Variants in GASK1A observed in about 807,000 individuals in gnomAD.
GASK1A encodes the protein Golgi-associated kinase 1A.
GASK1A carries 40 observed loss-of-function variants against 41.2 expected under a neutral mutation model. The ratio of observed to expected loss-of-function variants is 0.97; its 90% CI spans 0.75 to 1.27. The LOEUF (loss-of-function observed/expected upper bound fraction) is 1.27, where lower values mean the gene tolerates loss of function less well. Among genes scored for constraint, GASK1A ranks in the 50% most tolerant of loss-of-function variants. The pLI, the probability that GASK1A is intolerant of heterozygous loss-of-function variation, is 0.00. For missense variants in GASK1A, 678 were observed against 745.1 expected (o/e 0.91, Z 1.05); for synonymous variants, 316 against 307.1 (o/e 1.03, Z -0.30).
At chr3:43,025,619 G>T (rs763914571) in intron 1 of GASK1A, among the ~76,000 whole-genome samples, 7 of 152,310 alleles carry the variant, frequency 4.6e-5, no homozygotes, top group Middle Eastern at 3.4e-3. Flanking sequence ...GGCTGCACTC[G>T]ATTCACACAA....
At chr3:43,044,821 G>C (rs1304551709) in intron 2 of GASK1A, among the ~76,000 whole-genome samples, 1 of 152,068 alleles carries the variant, frequency 6.6e-6, no homozygotes, top group South Asian at 2.1e-4. Flanking sequence ...AGGTTTTATT[G>C]GTGTTGGGAT....
intron 1 of GASK1A, among the ~76,000 whole-genome samples, chr3:42,982,693 C>A (rs540270474): frequency 2.6e-5 from 4 of 152,222 alleles, no homozygotes; most frequent in Non-Finnish European, 5.9e-5. Context: ...GAGTGCCCAG[C>A]TAAGTGGAAA....
intron 1 of GASK1A, among the ~76,000 whole-genome samples, chr3:42,983,468 T>C (rs1393912965): frequency 5.3e-5 from 8 of 152,102 alleles, no homozygotes; most frequent in African/African-American, 1.9e-4. Context: ...TTTTCTTGCT[T>C]CTTTAAGTCT....
At chr3:43,054,625 G>C (rs1037336968) in intron 3 of GASK1A, among the ~76,000 whole-genome samples, 1 of 152,166 alleles carries the variant, frequency 6.6e-6, no homozygotes, top group Non-Finnish European at 1.5e-5. Context: ...CCACTGGAGA[G>C]GATTGTGGGA....
At chr3:42,985,546 C>T (rs868031445) in intron 1 of GASK1A, among the ~76,000 whole-genome samples, 1 of 134,702 alleles carries the variant, frequency 7.4e-6, no homozygotes, top group Admixed American at 7.4e-5. Context: ...CCTGTGCATA[C>T]GTGTGTGTGT....
At chr3:42,998,410 A>C (rs1323674275) in intron 1 of GASK1A, among the ~76,000 whole-genome samples, 1 of 152,198 alleles carries the variant, frequency 6.6e-6, no homozygotes, top group African/African-American at 2.4e-5. Context: ...TACTTAGCCC[A>C]GTTTGCCCTT....
At chr3:43,036,796 C>G (rs1451948238) in intron 2 of GASK1A, among the ~76,000 whole-genome samples, 1 of 152,158 alleles carries the variant, frequency 6.6e-6, no homozygotes, top group Non-Finnish European at 1.5e-5. Context: ...CCTCCGACTG[C>G]AAGCGATGGT....
intron 1 of GASK1A, among the ~76,000 whole-genome samples, chr3:43,003,547 C>A (rs534280786): frequency 1.3e-5 from 2 of 151,802 alleles, no homozygotes; most frequent in South Asian, 4.2e-4. Flanking sequence ...TCAAGTCACT[C>A]CCTGCCAGAG....
intron 1 of GASK1A, among the ~76,000 whole-genome samples, chr3:43,027,731 C>T (rs1435964276): frequency 6.6e-6 from 1 of 151,934 alleles, no homozygotes; most frequent in African/African-American, 2.4e-5. Context: ...CACCAAAAGA[C>T]AAAGTAAAAG....
chr3:42,987,746 C>A (rs890247783), intron 1 of GASK1A, among the ~76,000 whole-genome samples: 2 of 151,944 alleles, frequency 1.3e-5, no homozygotes, highest in African/African-American at 2.4e-5. Context: ...CACCTGTAAT[C>A]CCAGCACTTT....
intron 2 of GASK1A, among the ~76,000 whole-genome samples, chr3:43,038,440 T>A (rs2089615655): frequency 6.6e-6 from 1 of 152,248 alleles, no homozygotes; most frequent in African/African-American, 2.4e-5. Flanking sequence ...TATTGACCTC[T>A]GTTGCATTTA....
intron 1 of GASK1A, among the ~76,000 whole-genome samples, chr3:42,987,692 T>TA (rs1345740561): frequency 6.6e-6 from 1 of 152,176 alleles, no homozygotes; most frequent in African/African-American, 2.4e-5. Flanking sequence ...ATTGCCTTGA[T>TA]AATCACAAGA....
intron 1 of GASK1A, among the ~76,000 whole-genome samples, chr3:42,988,725 C>T (rs2089325733): frequency 6.6e-6 from 1 of 152,194 alleles, no homozygotes; most frequent in Non-Finnish European, 1.5e-5. Context: ...GTGTTGTTGC[C>T]CTTTGGCAGA....
At chr3:42,990,057 G>T (rs1422915240) in intron 1 of GASK1A, among the ~76,000 whole-genome samples, 1 of 152,038 alleles carries the variant, frequency 6.6e-6, no homozygotes, top group African/African-American at 2.4e-5. Context: ...GGCCAGGTGT[G>T]GTGGCTCATG....
chr3:43,055,332 A>G, intron 3 of GASK1A, 100 bp from the exon 4 acceptor site: 2 of 763,416 alleles, frequency 2.6e-6, no homozygotes, highest in Non-Finnish European at 4.4e-6. Flanking sequence ...TGGGACTGAC[A>G]GCTCAGGGCT....
chr3:43,004,789 T>G (rs2089427825), intron 1 of GASK1A, among the ~76,000 whole-genome samples: 1 of 152,238 alleles, frequency 6.6e-6, no homozygotes, highest in Non-Finnish European at 1.5e-5. Flanking sequence ...CACAGATGTA[T>G]TAGCTTCGTA....
chr3:43,012,156 A>T (rs1334616387), intron 1 of GASK1A, among the ~76,000 whole-genome samples: 2 of 151,764 alleles, frequency 1.3e-5, no homozygotes, highest in East Asian at 2.0e-4. Flanking sequence ...GACTGTGGAA[A>T]GTCACAGGAA....
intron 1 of GASK1A, among the ~76,000 whole-genome samples, chr3:43,000,159 CACG>C (rs1311236303): frequency 1.3e-5 from 2 of 152,128 alleles, no homozygotes; most frequent in East Asian, 3.8e-4. Context: ...TCTTGAGGAC[CACG>C]TGTTCTTACC....
chr3:43,014,638 TG>T (rs1380179668), intron 1 of GASK1A, among the ~76,000 whole-genome samples: 1 of 149,518 alleles, frequency 6.7e-6, no homozygotes, highest in Admixed American at 6.6e-5. Context: ...GAAGTCAGAA[TG>T]AGTGGCTATG....
Sources: allele counts gnomAD v4.1 joint callset (sites outside exome capture counted in the v4.1 genomes callset), GRCh38; gene constraint gnomAD v4.1.1; transcripts MANE v1.5; gene names NCBI Gene and HGNC (gene_info 2026-07-23, HGNC 2026-07-21).